Variants in LTBP1 observed in about 807,000 individuals in gnomAD.
The protein encoded by LTBP1 is latent transforming growth factor beta binding protein 1.
A neutral mutation model predicts 207.6 loss-of-function variants in LTBP1; 129 were observed. The observed-to-expected ratio is 0.62, with a 90% CI of 0.54 to 0.72. The LOEUF (loss-of-function observed/expected upper bound fraction) is 0.72. Among genes scored for constraint, LTBP1 ranks in the 30% least tolerant of loss-of-function variants. The pLI is 0.00. For missense variants in LTBP1, 2,281 were observed against 2,217.2 expected, an observed-to-expected ratio of 1.03 and a Z score of -0.58; for synonymous variants, 963 against 833.7, an observed-to-expected ratio of 1.16 and a Z score of -2.67.
intron 7 of LTBP1, among the ~76,000 whole-genome samples, chr2:33,201,706 A>C (rs1480064856): frequency 6.6e-6 from 1 of 152,220 alleles, no homozygotes; most frequent in Non-Finnish European, 1.5e-5. Context: ...CTACAGAAGA[A>C]AATAAACTTT....
intron 31 of LTBP1, among the ~76,000 whole-genome samples, chr2:33,369,551 G>T (rs567896985): frequency 6.9e-5 from 10 of 144,732 alleles, no homozygotes; most frequent in Middle Eastern, 3.6e-3. Flanking sequence ...TAGGGAGGTA[G>T]CCCCAAAGGA....
At chr2:33,261,323 G>T (rs2093004071) in intron 13 of LTBP1, among the ~76,000 whole-genome samples, 2 of 152,214 alleles carry the variant, frequency 1.3e-5, no homozygotes, top group Non-Finnish European at 2.9e-5. Flanking sequence ...TGGCTGCAGG[G>T]AATGGGGTGC....
intron 3 of LTBP1, among the ~76,000 whole-genome samples, chr2:33,057,589 G>A (rs1311003469): frequency 6.6e-6 from 1 of 152,254 alleles, no homozygotes; most frequent in African/African-American, 2.4e-5. Context: ...AGGCAGCTAA[G>A]GCCTGGCGAG....
chr2:32,964,185 A>G (rs1558445671), intron 2 of LTBP1, among the ~76,000 whole-genome samples: 1 of 152,130 alleles, frequency 6.6e-6, no homozygotes. Context: ...GGAATGCATC[A>G]TATGTTTGGA....
chr2:32,976,427 A>G (rs1681789707), intron 2 of LTBP1, among the ~76,000 whole-genome samples: 1 of 152,214 alleles, frequency 6.6e-6, no homozygotes, highest in African/African-American at 2.4e-5. Context: ...CCTTTGCATT[A>G]AGTTTTCATA....
chr2:33,176,630 A>G (rs1229860191), intron 5 of LTBP1, among the ~76,000 whole-genome samples: 1 of 152,214 alleles, frequency 6.6e-6, no homozygotes, highest in Non-Finnish European at 1.5e-5. Context: ...TCAACAGCCC[A>G]GCACTAGATT....
chr2:32,948,939 A>G lies in LTBP1; in HGVS notation c.559A>G (p.Thr187Ala). ...TAAGGCCCCTGGCTCCCAGAGGTGCACCAAACGTAAGTTGCCATGTTCACA... is the reference window on the plus strand; with the variant it reads ...TAAGGCCCCTGGCTCCCAGAGGTGCGCCAAACGTAAGTTGCCATGTTCACA... Reference protein sequence around the residue: ...WSKAPGSQRCTKPSCVPPCQN... With the variant: ...WSKAPGSQRCAKPSCVPPCQN... The change falls in exon 2 of 34, where the codon ACC (threonine) becomes GCC (alanine). Residue 187 changes from threonine to alanine, a missense_variant. Physicochemically the swap from Thr to Ala is moderately conservative, Grantham distance 58. This residue lies in a region of LTBP1 where 555 missense variants were observed against 491.0 expected (regional missense o/e 1.13). Transcript: ENST00000404816. 1 of 1,614,132 alleles carries G rather than the reference A, an allele frequency of 6.2e-7. No homozygotes were observed.
chr2:33,211,534 A>T (rs1166217266), intron 7 of LTBP1, among the ~76,000 whole-genome samples: 2 of 152,144 alleles, frequency 1.3e-5, no homozygotes, highest in Non-Finnish European at 2.9e-5. Context: ...TGAACTTCTC[A>T]CTGCTAGTAA....
chr2:33,067,871 A>G (rs1450956425), intron 3 of LTBP1, among the ~76,000 whole-genome samples: 2 of 152,204 alleles, frequency 1.3e-5, no homozygotes, highest in East Asian at 3.8e-4. Flanking sequence ...AATTTCTATA[A>G]TTCAAAATCT....
At chr2:32,949,088 C>T (rs1000676476) in intron 2 of LTBP1, 143 bp downstream of exon 2, 12 of 753,640 alleles carry the variant, frequency 1.6e-5, no homozygotes, top group Non-Finnish European at 2.7e-5. Flanking sequence ...TTCATTACCA[C>T]CTAGGAAGGG....
Position 33,301,651 on chromosome 2 carries a change from A to G in LTBP1, c.3481+7A>G. On this transcript the variant is annotated splice_region_variant and intron_variant, in intron 22 of 33. Coordinates refer to ENST00000404816, the MANE Select transcript of LTBP1 (RefSeq NM_206943.4). Reference sequence around the variant, plus strand: ...CTTGGAGACCACTGTGAAGGTAAGAATTGCTCCTGATTTCAGAATCATAAA... The same window carrying G: ...CTTGGAGACCACTGTGAAGGTAAGAGTTGCTCCTGATTTCAGAATCATAAA... The G allele has an allele frequency of 6.3e-7, 1 of 1,576,592 alleles. No homozygotes were observed.
chr2:32,974,470 A>G (rs937629876), intron 2 of LTBP1, among the ~76,000 whole-genome samples: 6 of 152,144 alleles, frequency 3.9e-5, no homozygotes, highest in African/African-American at 1.4e-4. Flanking sequence ...AGCTCCTTAC[A>G]TAGTCTTGTT....
intron 10 of LTBP1, among the ~76,000 whole-genome samples, chr2:33,244,835 G>C (rs2092454240): frequency 6.6e-6 from 1 of 151,024 alleles, no homozygotes; most frequent in South Asian, 2.1e-4. Context: ...CTGTGTATTA[G>C]TTTCTTTCCT....
intron 10 of LTBP1, among the ~76,000 whole-genome samples, chr2:33,245,167 A>G (rs966692785): frequency 7.2e-5 from 11 of 152,194 alleles, no homozygotes; most frequent in African/African-American, 2.7e-4. Context: ...GGTGTGAGCC[A>G]CCATGCCCGG....
chr2:33,156,829 G>T (rs1318544108), intron 5 of LTBP1, among the ~76,000 whole-genome samples: 1 of 152,096 alleles, frequency 6.6e-6, no homozygotes, highest in Non-Finnish European at 1.5e-5. Flanking sequence ...GCATTGCCTA[G>T]TACTTCAATA....
intron 2 of LTBP1, among the ~76,000 whole-genome samples, chr2:33,013,487 A>T (rs1172567265): frequency 6.0e-5 from 9 of 149,862 alleles, no homozygotes; most frequent in African/African-American, 2.2e-4. Flanking sequence ...TTTCTGGGTT[A>T]TTTTTTTCCC....
rs1313012922 is a variant in LTBP1 at position 33,263,370 on chromosome 2, G to A, written c.2595G>A (p.Val865=). 1.9e-6 allele frequency: 3 copies of A among 1,613,580 alleles called. No individual in the cohort carries two copies. The highest frequency in any genetic ancestry group is 2.5e-6 in the Non-Finnish European group (3 of 1,179,766). ...CTTCTACGTCTAGTGCCAGCCAAGT[G>A]ATTGCTCCTACTCAAGTGACAGGTT... The part of the protein sequence containing the change: ...PEASTSSASQ[V]IAPTQVTEIN... Residue 865 remains valine, a synonymous_variant, in exon 15 of 34, where the codon GTG becomes GTA. Transcript: ENST00000404816.
intron 2 of LTBP1, among the ~76,000 whole-genome samples, chr2:32,955,289 A>G (rs1054205256): frequency 1.3e-5 from 2 of 152,238 alleles, no homozygotes; most frequent in Admixed American, 6.5e-5. Flanking sequence ...AAGAATGTAT[A>G]TACAGTCAAA....
intron 10 of LTBP1, among the ~76,000 whole-genome samples, chr2:33,245,653 C>T (rs894957713): frequency 7.2e-5 from 11 of 152,152 alleles, no homozygotes; most frequent in African/African-American, 1.4e-4. Flanking sequence ...TTGGAAATTT[C>T]AGGCCAAAAA....
Sources: allele counts gnomAD v4.1 joint callset (sites outside exome capture counted in the v4.1 genomes callset), GRCh38; gene constraint gnomAD v4.1.1; regional missense constraint gnomAD v4.1.1; transcripts MANE v1.5; gene names NCBI Gene and HGNC (gene_info 2026-07-23, HGNC 2026-07-21).